DNAJA2: variants seen among roughly 807,000 people sequenced by gnomAD.
The protein encoded by DNAJA2 is DnaJ heat shock protein family (Hsp40) member A2, also known as dnaJ homolog subfamily A member 2.
A neutral mutation model predicts 49.3 loss-of-function variants in DNAJA2; 6 were observed. The observed-to-expected ratio is 0.12, with a 90% CI of 0.07 to 0.24. The LOEUF (loss-of-function observed/expected upper bound fraction) is 0.24. Among genes scored for constraint, DNAJA2 ranks in the 10% least tolerant of loss-of-function variants. The pLI is 1.00. For synonymous variants in DNAJA2, 160 were observed against 172.7 expected (o/e 0.93, Z 0.58); for missense variants, 347 against 516.8 (o/e 0.67, Z 3.19).
rs10523905 is a variant in DNAJA2 at position 46,970,730 on chromosome 16, C to CAAAA, written c.362+615_362+618dup. Among the ~76,000 whole-genome samples the CAAAA allele has an allele frequency of 9.9e-3, 317 of 32,180 alleles. 50 individuals are homozygous for CAAAA. The highest frequency in any genetic ancestry group is 0.016 in the Non-Finnish European group (278 of 17,674). 21.1% of individuals were successfully genotyped at this position (32,180 alleles called of 152,430 possible). ...AACCCGGGCGACAGGGACTCCATTTCAAAAAAAAAAAAAAAAAAAAAAAAA... is the reference window on the plus strand; with the variant it reads ...AACCCGGGCGACAGGGACTCCATTTCAAAAAAAAAAAAAAAAAAAAAAAAAAAAA... On this transcript the variant is annotated intron_variant, in intron 3 of 8. Transcript: ENST00000317089.
At chr16:46,972,023 A>G in intron 1 of DNAJA2, 68 bp from the exon 2 acceptor site, 1 of 1,073,860 alleles carries the variant, frequency 9.3e-7, no homozygotes, top group Non-Finnish European at 1.4e-6. Context: ...TAATAACTTA[A>G]TATCCACTTT....
At chr16:46,969,566 T>G (rs1445058827) in intron 3 of DNAJA2, among the ~76,000 whole-genome samples, 1 of 152,198 alleles carries the variant, frequency 6.6e-6, no homozygotes, top group Non-Finnish European at 1.5e-5. Flanking sequence ...TAGTGGGGCC[T>G]AAACTGGCAC....
intron 1 of DNAJA2, chr16:46,972,399 T>G (rs1962065644): frequency 6.4e-6 from 1 of 155,536 alleles, no homozygotes; most frequent in Admixed American, 6.5e-5. Flanking sequence ...GCTCACGCCT[T>G]CCTTCTAACT....
At chr16:46,966,253 ATAAAG>A (rs1203093228) in intron 5 of DNAJA2, among the ~76,000 whole-genome samples, 1 of 152,230 alleles carries the variant, frequency 6.6e-6, no homozygotes, top group Non-Finnish European at 1.5e-5. Flanking sequence ...ATTTAAAAAA[ATAAAG>A]TAAAATGCCA....
At chr16:46,968,790 T>C (rs902743674) in intron 3 of DNAJA2, among the ~76,000 whole-genome samples, 2 of 152,184 alleles carry the variant, frequency 1.3e-5, no homozygotes, top group African/African-American at 4.8e-5. Flanking sequence ...CTCATGCCTA[T>C]AATCCCAGCA....
chr16:46,970,692 G>A (rs898206326), intron 3 of DNAJA2, among the ~76,000 whole-genome samples: 11 of 119,016 alleles, frequency 9.2e-5, no homozygotes, highest in African/African-American at 3.2e-4. Flanking sequence ...CCTAGATGGT[G>A]CCACTGCACT....
intron 4 of DNAJA2, 133 bp downstream of exon 4, chr16:46,967,950 TG>T: frequency 1.1e-6 from 1 of 898,422 alleles, no homozygotes; most frequent in Non-Finnish European, 1.7e-6. Context: ...CCCAAAGTGC[TG>T]GGATTTCAGG....
At chr16:46,971,671 A>AAAAAAAAAG in intron 2 of DNAJA2, 99 bp from the exon 3 acceptor site, 1 of 1,015,432 alleles carries the variant, frequency 9.8e-7, no homozygotes, top group Non-Finnish European at 1.4e-6. Flanking sequence ...TAAAAAAAAA[A>AAAAAAAAAG]AAAAAGGGAC....
chr16:46,961,458 G>A (rs1248884492), intron 6 of DNAJA2, among the ~76,000 whole-genome samples: 1 of 151,984 alleles, frequency 6.6e-6, no homozygotes, highest in Non-Finnish European at 1.5e-5. Context: ...GGAGGCCGAG[G>A]TAGGCAGATC....
chr16:46,965,150 C>T (rs545672628), intron 5 of DNAJA2, among the ~76,000 whole-genome samples: 2 of 152,158 alleles, frequency 1.3e-5, no homozygotes, highest in East Asian at 3.9e-4. Context: ...TTCGAGGCTG[C>T]AGTTAGTTAT....
chr16:46,967,458 A>G, intron 5 of DNAJA2, 55 bp downstream of exon 5: 1 of 1,605,756 alleles, frequency 6.2e-7, no homozygotes, highest in Non-Finnish European at 8.5e-7. Context: ...CCTCTCCAAT[A>G]TCTGCATTCC....
chr16:46,972,345 C>T (rs528511729), intron 1 of DNAJA2: 1 of 167,876 alleles, frequency 6.0e-6, no homozygotes, highest in African/African-American at 2.4e-5. Context: ...GACTGCAAAA[C>T]ATTACTATAA....
At chr16:46,970,124 G>A (rs903076228) in intron 3 of DNAJA2, among the ~76,000 whole-genome samples, 14 of 152,052 alleles carry the variant, frequency 9.2e-5, no homozygotes, top group African/African-American at 3.4e-4. Context: ...CCTGAACTTC[G>A]GCCACTGACA....
rs1263210680 is a variant in DNAJA2 at position 46,956,448 on chromosome 16, AAAAAG to A, written c.*576_*580del. ...CTTTCACAAGATGGTAAAAAAAAAA[AAAAAG>A]AAAAAAGAAAAAAAAAACAAAACCA... is the stretch of plus-strand genomic sequence containing the variant. On this transcript the variant is annotated 3_prime_UTR_variant, in exon 9 of 9. Coordinates refer to ENST00000317089, the MANE Select transcript of DNAJA2 (RefSeq NM_005880.4). The A allele has an allele frequency of 1.3e-5, 2 of 151,938 alleles. No homozygotes were observed. Among genetic ancestry groups the A allele is most frequent in the African/African-American group, 4.8e-5 (2 of 41,354 alleles). 9.4% of individuals were successfully genotyped at this position (151,938 alleles called of 1,614,324 possible).
intron 6 of DNAJA2, among the ~76,000 whole-genome samples, chr16:46,961,949 C>T (rs570038253): frequency 6.6e-5 from 10 of 152,166 alleles, no homozygotes; most frequent in Admixed American, 5.2e-4. Flanking sequence ...GACACACAAA[C>T]AGGCACACTG....
At chr16:46,960,737 C>A (rs550074090) in intron 6 of DNAJA2, among the ~76,000 whole-genome samples, 1 of 152,140 alleles carries the variant, frequency 6.6e-6, no homozygotes, top group East Asian at 1.9e-4. Flanking sequence ...CAAGATCACA[C>A]CACTGCACTC....
In DNAJA2 at chr16:46,973,645, TCGG is replaced by T; in HGVS notation, c.-76_-74del. The T allele has an allele frequency of 2.0e-6, 3 of 1,505,844 alleles. No homozygotes were observed. The highest frequency in any genetic ancestry group is 1.8e-6 in the Non-Finnish European group (2 of 1,116,784). The allele number at this position is 1,505,844 out of a possible 1,614,324, so 93.3% of individuals were successfully genotyped here. ...AGCGGAGTCGGGCCCACAAGCGGCG[TCGG>T]CGGCGGCACAGGCCGAGGGAGACAG... On this transcript the variant is annotated 5_prime_UTR_variant, in exon 1 of 9. Transcript: ENST00000317089.
rs907281555 is a variant in DNAJA2, at chr16:46,956,498, A to G, written c.*531T>C. On this transcript the variant is annotated 3_prime_UTR_variant, in exon 9 of 9. Coordinates refer to ENST00000317089, the MANE Select transcript of DNAJA2 (RefSeq NM_005880.4). ...AAACCAAAAACAAAAAAACTTTACA[A>G]CCACAGCTAATGTAATTTTTTCCAT... 2 of 152,418 alleles carry G rather than the reference A, an allele frequency of 1.3e-5. No individual in the cohort carries two copies. Among genetic ancestry groups the G allele is most frequent in the African/African-American group, 4.8e-5 (2 of 41,428 alleles). 9.4% of individuals were successfully genotyped at this position (152,418 alleles called of 1,614,324 possible).
In DNAJA2 at chr16:46,959,357, T is replaced by C. The variant is rs547461838; in HGVS notation, c.837A>G (p.Leu279=). ...MTYKIGLVEA[L]CGFQFTFKHL... is the part of the protein sequence containing the mutation. ...GCTTAAATGTGAACTGAAATCCACA[T>C]AGAGCTTCAACAAGTCCTATTTTAT... is the stretch of plus-strand genomic sequence containing the variant. Residue 279 remains leucine (L), a synonymous_variant, in exon 7 of 9, where the codon CTA becomes CTG. Transcript: ENST00000317089. 3.5e-5 allele frequency: 57 copies of C among 1,614,046 alleles called. No homozygotes were observed. The East Asian group carries it at 6.2e-4, about 18-fold the overall frequency.
Sources: gnomAD v4.1 joint callset for allele counts (sites outside exome capture counted in the v4.1 genomes callset) on GRCh38, gnomAD v4.1.1 for gene constraint, MANE v1.5 for transcripts, NCBI Gene and HGNC (gene_info 2026-07-23, HGNC 2026-07-21) for gene names.